HPS3: variants seen among roughly 807,000 people sequenced by gnomAD.
The protein encoded by HPS3 is HPS3 biogenesis of lysosomal organelles complex 2 subunit 1.
Under a neutral mutation model 110.9 loss-of-function variants are expected in HPS3, and 79 were observed. The ratio of observed to expected loss-of-function variants is 0.71; its 90% CI spans 0.59 to 0.86. The LOEUF (loss-of-function observed/expected upper bound fraction) is 0.86. Ranked by LOEUF, HPS3 falls within the 40% of genes least tolerant of loss-of-function variation. The pLI is 0.00. For synonymous variants in HPS3, 428 were observed against 451.0 expected, an observed-to-expected ratio of 0.95 and a Z score of 0.65; for missense variants, 1,197 against 1,206.2, an observed-to-expected ratio of 0.99 and a Z score of 0.11.
rs759983514 is a variant in HPS3, at chr3:149,141,187, A to G, written c.883A>G (p.Arg295Gly). 3.2e-6 allele frequency: 5 copies of G among 1,572,068 alleles called. No homozygotes were observed. The South Asian group carries it at 5.6e-5, about 18-fold the overall frequency. ...TTCCCACTTTCAGCACCTGCTCTAT[A>G]GGTATTATAGTGCTTTTTTTTTTTT... ...KYSHFQHLLY[R>G]RFAPDISSYV... Residue 295 changes from arginine to glycine, a missense_variant and splice_region_variant, in exon 3 of 17, where the codon AGA becomes GGA. By Grantham distance (125) the Arg-to-Gly change is moderately radical. Transcript: ENST00000296051.
At chr3:149,132,190 C>G (rs1380092590) in intron 1 of HPS3, among the ~76,000 whole-genome samples, 2 of 152,160 alleles carry the variant, frequency 1.3e-5, no homozygotes, top group Non-Finnish European at 2.9e-5. Context: ...GGCAGCTGTG[C>G]TAAACAACAG....
Position 149,162,269 on chromosome 3 carries a change from C to T in HPS3, c.2228C>T (p.Ala743Val), listed in dbSNP as rs771953424. 3 of 1,613,974 alleles carry T rather than the reference C, an allele frequency of 1.9e-6. No homozygotes were observed. Among genetic ancestry groups the T allele is most frequent in the Admixed American group, 3.3e-5 (2 of 59,968 alleles). The change falls in exon 12 of 17, where the codon GCT (alanine) becomes GTT (valine). Residue 743 changes from alanine (A) to valine (V), a missense_variant. Transcript: ENST00000296051. Reference protein sequence around the residue: ...LKETQPGLLVASVLGLQKNNK... With the variant: ...LKETQPGLLVVSVLGLQKNNK... ...GAAACTCAGCCTGGATTGCTTGTGG[C>T]TTCAGTTCTGGGCTTGCAGAAGAAC...
chr3:149,167,989 A>G lies in HPS3; in HGVS notation c.2887+6A>G, dbSNP rs1441622426. The G allele has an allele frequency of 3.4e-6, 5 of 1,459,972 alleles. No homozygotes were observed. The East Asian group carries it at 1.2e-4, about 34-fold the overall frequency. 90.4% of individuals were successfully genotyped at this position (1,459,972 alleles called of 1,614,324 possible). ...CTACCTGTCATCATTAAAAGGTAAA[A>G]TGATTTTTTTTTTGCTTGATTATAA... On this transcript the variant is annotated splice_donor_region_variant and intron_variant, in intron 16 of 16. Coordinates refer to ENST00000296051, the MANE Select transcript of HPS3 (RefSeq NM_032383.5).
intron 1 of HPS3, among the ~76,000 whole-genome samples, chr3:149,139,255 T>G (rs1722292006): frequency 6.6e-6 from 1 of 152,226 alleles, no homozygotes; most frequent in South Asian, 2.1e-4. Flanking sequence ...TTTTAAAAGT[T>G]GCAGATTGTT....
intron 11 of HPS3, among the ~76,000 whole-genome samples, chr3:149,161,701 G>A (rs1723872612): frequency 1.3e-5 from 2 of 151,452 alleles, no homozygotes; most frequent in South Asian, 2.1e-4. Flanking sequence ...GTAGAGATGG[G>A]GTTTTACCAT....
In HPS3 at chr3:149,167,334, C is replaced by G. The variant is rs1724526494; in HGVS notation, c.2796+94C>G. 3 of 944,740 alleles carry G rather than the reference C, an allele frequency of 3.2e-6. No homozygotes were observed. In the East Asian group the frequency reaches 7.8e-5, roughly 25 times the overall value. 58.5% of individuals were successfully genotyped at this position (944,740 alleles called of 1,614,324 possible). The stretch of plus-strand genomic sequence containing the variant: ...TCCTGCAAAATGGGGACAATTTATG[C>G]TAATCCAACATCATAAGGCTGTGTG... On this transcript the variant is annotated intron_variant, in intron 15 of 16. Coordinates refer to ENST00000296051, the MANE Select transcript of HPS3 (RefSeq NM_032383.5).
At chr3:149,150,972 C>G (rs1429965732) in intron 6 of HPS3, among the ~76,000 whole-genome samples, 1 of 151,972 alleles carries the variant, frequency 6.6e-6, no homozygotes, top group Non-Finnish European at 1.5e-5. Context: ...TTCACAACTA[C>G]TGTATGCTAC....
chr3:149,147,900 C>T (rs3946447), intron 5 of HPS3, among the ~76,000 whole-genome samples: 1 of 152,146 alleles, frequency 6.6e-6, no homozygotes, highest in African/African-American at 2.4e-5. Context: ...ATCGGAGTTT[C>T]TCTTTTGTTG....
In HPS3 at chr3:149,158,801, C is replaced by T; in HGVS notation, c.1827C>T (p.Tyr609=). ...AATACGAGAGAGGATTAATCTTTTACATTAATCATTCACTTTATGAAAACC... is the reference window on the plus strand; with the variant it reads ...AATACGAGAGAGGATTAATCTTTTATATTAATCATTCACTTTATGAAAACC... ...LQKYERGLIF[Y]INHSLYENLD... is the part of the protein sequence containing the mutation. The change falls in exon 10 of 17, where the codon TAC becomes TAT. Residue 609 remains tyrosine (Y), a synonymous_variant. Coordinates refer to ENST00000296051, the MANE Select transcript of HPS3 (RefSeq NM_032383.5). 1 of 1,604,272 alleles carries T rather than the reference C, an allele frequency of 6.2e-7. No homozygotes were observed. The highest frequency in any genetic ancestry group is 8.5e-7 in the Non-Finnish European group (1 of 1,171,166).
intron 1 of HPS3, among the ~76,000 whole-genome samples, chr3:149,136,817 ATTAG>A (rs1471765403): frequency 5.9e-5 from 9 of 152,180 alleles, no homozygotes; most frequent in Non-Finnish European, 2.9e-5. Context: ...TACTATAAAC[ATTAG>A]TTAATATATG....
At chr3:149,165,515 A>G (rs572632884) in intron 14 of HPS3, among the ~76,000 whole-genome samples, 1 of 151,826 alleles carries the variant, frequency 6.6e-6, no homozygotes, top group East Asian at 1.9e-4. Flanking sequence ...GTCTCACTCT[A>G]TTGCCCAGAT....
intron 9 of HPS3, among the ~76,000 whole-genome samples, chr3:149,158,209 C>T (rs1223922307): frequency 6.6e-6 from 1 of 152,160 alleles, no homozygotes; most frequent in Non-Finnish European, 1.5e-5. Flanking sequence ...TGTTTTCAGA[C>T]TTACTTGATC....
At chr3:149,160,636 A>G (rs1347843297) in intron 11 of HPS3, among the ~76,000 whole-genome samples, 1 of 152,176 alleles carries the variant, frequency 6.6e-6, no homozygotes, top group Admixed American at 6.5e-5. Context: ...AGAACAGCAA[A>G]GGGGATATTA....
chr3:149,132,866 A>C (rs944591272), intron 1 of HPS3, among the ~76,000 whole-genome samples: 5 of 152,162 alleles, frequency 3.3e-5, no homozygotes, highest in African/African-American at 1.2e-4. Flanking sequence ...GTTGATTCCA[A>C]CTCTCATGGA....
intron 1 of HPS3, among the ~76,000 whole-genome samples, chr3:149,135,089 C>T (rs1397627399): frequency 2.0e-5 from 3 of 152,142 alleles, no homozygotes; most frequent in Non-Finnish European, 4.4e-5. Context: ...AAGAATCTTA[C>T]ATCAGCCATC....
At chr3:149,150,053 G>T (rs554768231) in intron 5 of HPS3, among the ~76,000 whole-genome samples, 1 of 152,294 alleles carries the variant, frequency 6.6e-6, no homozygotes, top group African/African-American at 2.4e-5. Context: ...GCTGGACTAG[G>T]TAATTCTGAA....
In HPS3 at chr3:149,162,679, C is replaced by G. The variant is rs751408954; in HGVS notation, c.2293-11C>G. ...ATCTGGAATATAGAGGCTCCTTTTA[C>G]TGTTTTTAAGGTGCTTTGTGCTAAG... On this transcript the variant is annotated splice_polypyrimidine_tract_variant and intron_variant, in intron 12 of 16. Coordinates refer to ENST00000296051, the MANE Select transcript of HPS3 (RefSeq NM_032383.5). 9.3e-6 allele frequency: 15 copies of G among 1,613,752 alleles called. No individual in the cohort carries two copies. The highest frequency in any genetic ancestry group is 1.3e-5 in the Non-Finnish European group (15 of 1,179,748).
In HPS3 at chr3:149,173,674, G is replaced by T; in HGVS notation, c.*1452G>T. The T allele has an allele frequency of 1.5e-6, 2 of 1,343,620 alleles. No homozygotes were observed. The highest frequency in any genetic ancestry group is 1.3e-5 in the South Asian group (1 of 78,176). 83.2% of individuals were successfully genotyped at this position (1,343,620 alleles called of 1,614,324 possible). On this transcript the variant is annotated 3_prime_UTR_variant, in exon 17 of 17. Transcript: ENST00000296051. ...TTCACATACATTGTTATGAATCATT[G>T]GTTTTTCTCTTTTTTCCACTTATCA...
intron 6 of HPS3, among the ~76,000 whole-genome samples, chr3:149,151,800 C>A (rs1029812250): frequency 6.6e-6 from 1 of 152,072 alleles, no homozygotes; most frequent in Admixed American, 6.5e-5. Flanking sequence ...GCAAGAAGCT[C>A]CCAAATTATC....
Sources: allele counts gnomAD v4.1 joint callset (sites outside exome capture counted in the v4.1 genomes callset), GRCh38; gene constraint gnomAD v4.1.1; transcripts MANE v1.5; gene names NCBI Gene and HGNC (gene_info 2026-07-23, HGNC 2026-07-21).